The following LRRC8C variants were observed in gnomAD, a reference collection of about 807,000 sequenced individuals.
The protein encoded by LRRC8C is leucine rich repeat containing 8 VRAC subunit C.
A neutral mutation model predicts 55.3 loss-of-function variants in LRRC8C; 20 were observed. That is an observed-to-expected ratio of 0.36 (90% CI 0.25 to 0.53). The LOEUF is 0.53. Ranked by LOEUF, LRRC8C falls within the 20% of genes least tolerant of loss-of-function variation. LRRC8C has a pLI of 0.92. For synonymous variants in LRRC8C, 376 were observed against 360.7 expected (o/e 1.04, Z -0.48); for missense variants, 659 against 951.4 (o/e 0.69, Z 4.04).
upstream of LRRC8C, chr1:89,632,728 G>A (rs1426763576): frequency 6.6e-6 from 1 of 152,366 alleles, no homozygotes; most frequent in African/African-American, 2.4e-5. Flanking sequence ...CGCATTGTGA[G>A]GGATGAGGGG....
intron 1 of LRRC8C, among the ~76,000 whole-genome samples, chr1:89,643,983 TA>T (rs1656543751): frequency 6.6e-6 from 1 of 152,230 alleles, no homozygotes; most frequent in South Asian, 2.1e-4. Context: ...TTAAAAAAGA[TA>T]ACCTACAAAT....
intron 1 of LRRC8C, among the ~76,000 whole-genome samples, chr1:89,668,571 G>T (rs1657332018): frequency 6.6e-6 from 1 of 152,114 alleles, no homozygotes; most frequent in Non-Finnish European, 1.5e-5. Flanking sequence ...AGGTCCTTTT[G>T]CCAATGGATA....
chr1:89,655,307 G>A (rs1398210930), intron 1 of LRRC8C, among the ~76,000 whole-genome samples: 1 of 151,888 alleles, frequency 6.6e-6, no homozygotes, highest in Non-Finnish European at 1.5e-5. Context: ...CTAGCTCTCT[G>A]AGAATATTAA....
chr1:89,665,751 T>G (rs1322285211), intron 1 of LRRC8C, among the ~76,000 whole-genome samples: 3 of 152,156 alleles, frequency 2.0e-5, no homozygotes, highest in African/African-American at 7.2e-5. Context: ...TATTATAAAG[T>G]CTACGGCAGT....
chr1:89,686,343 G>T, intron 1 of LRRC8C, 127 bp from the exon 2 acceptor site: 1 of 876,352 alleles, frequency 1.1e-6, no homozygotes, highest in African/African-American at 1.7e-5. Flanking sequence ...TCAAAACATT[G>T]ATGTGTCTTG....
At chr1:89,665,743 TTATAAAGTC>T (rs1382025381) in intron 1 of LRRC8C, among the ~76,000 whole-genome samples, 1 of 152,152 alleles carries the variant, frequency 6.6e-6, no homozygotes, top group African/African-American at 2.4e-5. Context: ...ACAGTGTTTA[TTATAAAGTC>T]TACGGCAGTG....
At position 89,719,245 on chromosome 1, in the gene LRRC8C, GTTTC is replaced by G. The variant is rs1658906367; in HGVS notation, c.*4270_*4273del. The G allele has an allele frequency of 6.6e-6, 1 of 152,086 alleles. No individual in the cohort carries two copies. Among genetic ancestry groups the G allele is most frequent in the Non-Finnish European group, 1.5e-5 (1 of 68,000 alleles). 9.4% of individuals were successfully genotyped at this position (152,086 alleles called of 1,614,324 possible). On this transcript the variant is annotated 3_prime_UTR_variant, in exon 3 of 3. Transcript: ENST00000370454. ...ATGGTTTTTAATGTGAGGTAAATTT[GTTTC>G]TTTCTTCAGAATACCTCTCTCCACC...
At chr1:89,673,954 C>G (rs1657486073) in intron 1 of LRRC8C, among the ~76,000 whole-genome samples, 1 of 152,256 alleles carries the variant, frequency 6.6e-6, no homozygotes, top group Admixed American at 6.5e-5. Flanking sequence ...TAGGAGTTAA[C>G]AAAGCAAGGT....
At chr1:89,709,305 T>G (rs1658578294) in intron 2 of LRRC8C, among the ~76,000 whole-genome samples, 1 of 152,254 alleles carries the variant, frequency 6.6e-6, no homozygotes. Context: ...TTTCTGAACC[T>G]TGGTCAGTTT....
At chr1:89,657,802 A>T (rs1268955156) in intron 1 of LRRC8C, among the ~76,000 whole-genome samples, 1 of 151,382 alleles carries the variant, frequency 6.6e-6, no homozygotes, top group African/African-American at 2.4e-5. Context: ...TTTCTGAAAA[A>T]TTTTCAGGGG....
intron 2 of LRRC8C, among the ~76,000 whole-genome samples, chr1:89,695,047 G>T (rs1570731713): frequency 6.7e-6 from 1 of 148,844 alleles, no homozygotes; most frequent in East Asian, 2.0e-4. Context: ...TCAGCCTCCC[G>T]AGTAACTGGG....
chr1:89,617,378 T>G, the LRRC8C span, among the ~76,000 whole-genome samples: 1 of 152,208 alleles, frequency 6.6e-6, no homozygotes, highest in African/African-American at 2.4e-5. Context: ...CAAAACTATG[T>G]TGACTCCTCC....
chr1:89,666,625 T>G (rs1358571199), intron 1 of LRRC8C, among the ~76,000 whole-genome samples: 2 of 152,018 alleles, frequency 1.3e-5, no homozygotes, highest in Non-Finnish European at 2.9e-5. Flanking sequence ...AAATGCAGAG[T>G]AGTACAAAAG....
chr1:89,639,353 G>T (rs1656391468), intron 1 of LRRC8C, among the ~76,000 whole-genome samples: 1 of 151,524 alleles, frequency 6.6e-6, no homozygotes, highest in South Asian at 2.1e-4. Context: ...AAGTAGATCT[G>T]GGAGGAGGAG....
chr1:89,661,393 A>G (rs1169651541), intron 1 of LRRC8C: 2 of 317,310 alleles, frequency 6.3e-6, no homozygotes, highest in Admixed American at 3.2e-5. Context: ...TCCAGCTCCA[A>G]TGAATACAAA....
At chr1:89,651,011 G>GA (rs925199237) in intron 1 of LRRC8C, among the ~76,000 whole-genome samples, 4 of 151,926 alleles carry the variant, frequency 2.6e-5, no homozygotes, top group East Asian at 1.9e-4. Flanking sequence ...CCATATCTCA[G>GA]AAAAAAAATA....
chr1:89,681,424 C>T (rs947251399), intron 1 of LRRC8C, among the ~76,000 whole-genome samples: 16 of 152,106 alleles, frequency 1.1e-4, no homozygotes, highest in African/African-American at 3.9e-4. Context: ...GGTTTGGGGC[C>T]TTGTAATATG....
intron 1 of LRRC8C, among the ~76,000 whole-genome samples, chr1:89,685,949 C>A (rs570466417): frequency 1.3e-5 from 2 of 151,826 alleles, no homozygotes; most frequent in African/African-American, 4.8e-5. Flanking sequence ...CGTGGAAACA[C>A]TGTTTTCCTT....
Position 89,714,039 on chromosome 1 carries a change from A to G in LRRC8C, c.1469A>G (p.Lys490Arg), listed in dbSNP as rs772987684. 2 of 1,613,812 alleles carry G rather than the reference A, an allele frequency of 1.2e-6. No individual in the cohort carries two copies. The highest frequency in any genetic ancestry group is 2.2e-5 in the East Asian group (1 of 44,886). ...CACAGTGCGGCGCTCTCTTTCCTGA[A>G]GGAAAACCTCAAGGTCTTGAGCGTC... Reference protein sequence around the residue: ...KIHSAALSFLKENLKVLSVKF... With the variant: ...KIHSAALSFLRENLKVLSVKF... Residue 490 changes from lysine (K) to arginine (R), a missense_variant, in exon 3 of 3, where the codon AAG becomes AGG. Transcript: ENST00000370454. The surrounding 1 kb of genome is among the most constrained non-coding windows in gnomAD (Gnocchi z 4.6).
Sources: gnomAD v4.1 joint callset for allele counts (sites outside exome capture counted in the v4.1 genomes callset) on GRCh38, gnomAD v4.1.1 for gene constraint, Gnocchi (gnomAD v3.1) non-coding constraint, MANE v1.5 for transcripts, NCBI Gene and HGNC (gene_info 2026-07-23, HGNC 2026-07-21) for gene names.